NECTIN4: variants seen among roughly 807,000 people sequenced by gnomAD.
NECTIN4 encodes nectin-4.
A neutral mutation model predicts 51.7 loss-of-function variants in NECTIN4; 19 were observed. The ratio of observed to expected loss-of-function variants is 0.37; its 90% CI spans 0.26 to 0.54. NECTIN4 has a LOEUF of 0.54. Among genes scored for constraint, NECTIN4 ranks in the 20% least tolerant of loss-of-function variants. The pLI is 0.86. For missense variants in NECTIN4, 619 were observed against 662.4 expected, an observed-to-expected ratio of 0.93 and a Z score of 0.72; for synonymous variants, 283 against 286.9, an observed-to-expected ratio of 0.99 and a Z score of 0.14.
intron 1 of NECTIN4, among the ~76,000 whole-genome samples, chr1:161,082,596 C>T (rs894107949): frequency 1.3e-5 from 2 of 152,072 alleles, no homozygotes; most frequent in African/African-American, 4.8e-5. Flanking sequence ...GCCCTGCTAC[C>T]AGAAGGAGAG....
At chr1:161,075,626 G>C (rs1444257286) in intron 4 of NECTIN4, among the ~76,000 whole-genome samples, 1 of 152,016 alleles carries the variant, frequency 6.6e-6, no homozygotes, top group East Asian at 1.9e-4. Flanking sequence ...CAAAAAACTA[G>C]CTGGGCATGC....
Position 161,076,336 on chromosome 1 carries a change from C to G in NECTIN4, c.851+19G>C. On this transcript the variant is annotated intron_variant, in intron 4 of 8. Transcript: ENST00000368012. ...GAACCTAGTCTCAAGTTAGGCCTTC[C>G]TCAGGCTCGGGCCCTTACCGTGTCC... 1 of 1,613,986 alleles carries G rather than the reference C, an allele frequency of 6.2e-7. No individual in the cohort carries two copies. Among genetic ancestry groups the G allele is most frequent in the African/African-American group, 1.3e-5 (1 of 75,024 alleles).
chr1:161,086,981 G>A (rs543446082), intron 1 of NECTIN4: 3 of 152,346 alleles, frequency 2.0e-5, no homozygotes, highest in Non-Finnish European at 4.4e-5. Flanking sequence ...TCGTATTTCA[G>A]AGCTGGAAGG....
At chr1:161,080,106 G>A (rs1316962580) in intron 1 of NECTIN4, among the ~76,000 whole-genome samples, 157 bp from the exon 2 acceptor site, 1 of 152,286 alleles carries the variant, frequency 6.6e-6, no homozygotes, top group East Asian at 1.9e-4. Context: ...TCTACAAAAC[G>A]CCTTCCCAAG....
In NECTIN4 at chr1:161,072,492, G is replaced by T. The variant is rs1037440099; in HGVS notation, c.*169C>A. 1.5e-6 allele frequency: 1 copy of T among 672,934 alleles called. No homozygotes were observed. Among genetic ancestry groups the T allele is most frequent in the Non-Finnish European group, 2.7e-6 (1 of 371,042 alleles). The allele number at this position is 672,934 out of a possible 1,614,324, so 41.7% of individuals were successfully genotyped here. ...ATGCATGGTGGGAGAGACTCAATTG[G>T]TGGAGCCCTCCCGATGAACAGAAGG... On this transcript the variant is annotated 3_prime_UTR_variant, in exon 9 of 9. Coordinates refer to ENST00000368012, the MANE Select transcript of NECTIN4 (RefSeq NM_030916.3).
In NECTIN4 at chr1:161,072,304, C is replaced by A; in HGVS notation, c.*357G>T. Reference sequence around the variant, plus strand: ...ACCCTGACAGTGTTGCCCACGCAACCACTCAAATCCCGTGGCACATACACC... The same window carrying A: ...ACCCTGACAGTGTTGCCCACGCAACAACTCAAATCCCGTGGCACATACACC... On this transcript the variant is annotated 3_prime_UTR_variant, in exon 9 of 9. Transcript: ENST00000368012. The A allele has an allele frequency of 2.5e-5, 10 of 392,932 alleles. No homozygotes were observed. Among genetic ancestry groups the A allele is most frequent in the South Asian group, 2.2e-4 (10 of 45,324 alleles). 24.3% of individuals were successfully genotyped at this position (392,932 alleles called of 1,614,324 possible).
Position 161,076,484 on chromosome 1 carries a change from G to C in NECTIN4, c.731-9C>G. On this transcript the variant is annotated splice_polypyrimidine_tract_variant and intron_variant, in intron 3 of 8. Coordinates refer to ENST00000368012, the MANE Select transcript of NECTIN4 (RefSeq NM_030916.3). ...AGAGGCCTCAGCAAGGACTGGAATG[G>C]GAAGTGGGAGGAGAAAGAATGGGAA... is the stretch of plus-strand genomic sequence containing the variant. 3.1e-6 allele frequency: 5 copies of C among 1,613,916 alleles called. No individual in the cohort carries two copies. The highest frequency in any genetic ancestry group is 3.4e-6 in the Non-Finnish European group (4 of 1,180,004).
At chr1:161,081,792 A>T (rs1381390016) in intron 1 of NECTIN4, among the ~76,000 whole-genome samples, 2 of 151,996 alleles carry the variant, frequency 1.3e-5, no homozygotes, top group East Asian at 3.9e-4. Context: ...TTCCAGCAGG[A>T]GTCCTCCCTC....
rs142201196 is a variant in NECTIN4 at position 161,079,853 on chromosome 1, C to T, written c.176G>A (p.Gly59Asp). The change falls in exon 2 of 9, where the codon GGC (glycine) becomes GAC (aspartate). Residue 59 changes from glycine (G) to aspartate (D), a missense_variant. Coordinates refer to ENST00000368012, the MANE Select transcript of NECTIN4 (RefSeq NM_030916.3). Reference sequence around the variant, plus strand: ...CCATGCCACTTGCCCCACTTGCTCGCCGGAGTCCCCTCGGTAGAAGCAGGG... The same window carrying T: ...CCATGCCACTTGCCCCACTTGCTCGTCGGAGTCCCCTCGGTAGAAGCAGGG... ...KLPCFYRGDS[G>D]EQVGQVAWAR... 45 of 1,613,808 alleles carry T rather than the reference C, an allele frequency of 2.8e-5. No individual in the cohort carries two copies. In the African/African-American group the frequency reaches 5.2e-4, roughly 19 times the overall value.
In NECTIN4 at chr1:161,089,424, G is replaced by T; in HGVS notation, c.-128C>A. 1 of 842,942 alleles carries T rather than the reference G, an allele frequency of 1.2e-6. No homozygotes were observed. Among genetic ancestry groups the T allele is most frequent in the Admixed American group, 2.0e-5 (1 of 50,392 alleles). The allele number at this position is 842,942 out of a possible 1,614,324, so 52.2% of individuals were successfully genotyped here. A position where few individuals can be genotyped will look rare whatever the true frequency, so the allele number is the denominator to read the frequency against. On this transcript the variant is annotated 5_prime_UTR_variant, in exon 1 of 9. Coordinates refer to ENST00000368012, the MANE Select transcript of NECTIN4 (RefSeq NM_030916.3). This position sits in a 1 kb window ranked among gnomAD's most constrained non-coding sequence, Gnocchi z 4.1. ...GCAGAGTTCTTGCCTCTCGCACTTG[G>T]GTCTCCACTAGGGGACCCAGCCCCA...
At position 161,076,428 on chromosome 1, in the gene NECTIN4, G is replaced by A. The variant is rs145688995; in HGVS notation, c.778C>T (p.His260Tyr). The change falls in exon 4 of 9, where the codon CAC becomes TAC. Residue 260 changes from histidine (H) to tyrosine (Y), a missense_variant. By Grantham distance (83) the His-to-Tyr change is moderately conservative. Around this residue, in one of 3 missense-constraint regions of NECTIN4, gnomAD observed 364 missense variants for 415.7 expected, o/e 0.88. Coordinates refer to ENST00000368012, the MANE Select transcript of NECTIN4 (RefSeq NM_030916.3). ...VRGLEDQNLW[H>Y]IGREGAMLKC... Reference sequence around the variant, plus strand: ...AGCATAGCTCCTTCTCTGCCAATGTGCCACAGATTTTGGTCTTCAAGGCCC... The same window carrying A: ...AGCATAGCTCCTTCTCTGCCAATGTACCACAGATTTTGGTCTTCAAGGCCC... 43 of 1,613,986 alleles carry A rather than the reference G, an allele frequency of 2.7e-5. No homozygotes were observed. The highest frequency in any genetic ancestry group is 3.3e-5 in the Admixed American group (2 of 60,004).
At position 161,076,492 on chromosome 1, in the gene NECTIN4, G is replaced by C. The variant is rs1255537186; in HGVS notation, c.731-17C>G. ...CAGCAAGGACTGGAATGGGAAGTGGGAGGAGAAAGAATGGGAATGATGCCT... is the reference window on the plus strand; with the variant it reads ...CAGCAAGGACTGGAATGGGAAGTGGCAGGAGAAAGAATGGGAATGATGCCT... On this transcript the variant is annotated splice_polypyrimidine_tract_variant and intron_variant, in intron 3 of 8. Coordinates refer to ENST00000368012, the MANE Select transcript of NECTIN4 (RefSeq NM_030916.3). 1.2e-6 allele frequency: 2 copies of C among 1,613,798 alleles called. No individual in the cohort carries two copies. The highest frequency in any genetic ancestry group is 2.2e-5 in the South Asian group (2 of 91,080).
intron 1 of NECTIN4, among the ~76,000 whole-genome samples, chr1:161,080,312 A>G (rs1438813052): frequency 1.3e-5 from 2 of 152,194 alleles, no homozygotes; most frequent in East Asian, 3.9e-4. Context: ...GGGAGCTCAC[A>G]GTCATCAGGG....
Position 161,077,694 on chromosome 1 carries a change from C to T in NECTIN4, c.489G>A (p.Gln163=). ...TGCAGGAGGCTGCCAGGGTCAGGCC[C>T]TGGCCCTCTTCTAGTGCTGGACCAG... ...LNPGPALEEG[Q]GLTLAASCTA... The change falls in exon 3 of 9, where the codon CAG becomes CAA. Residue 163 remains glutamine (Q), a synonymous_variant. Coordinates refer to ENST00000368012, the MANE Select transcript of NECTIN4 (RefSeq NM_030916.3). The T allele has an allele frequency of 1.2e-6, 2 of 1,612,896 alleles. No homozygotes were observed. Among genetic ancestry groups the T allele is most frequent in the Non-Finnish European group, 1.7e-6 (2 of 1,180,014 alleles).
chr1:161,084,046 C>G (rs777511452), intron 1 of NECTIN4, among the ~76,000 whole-genome samples: 1 of 152,106 alleles, frequency 6.6e-6, no homozygotes, highest in Non-Finnish European at 1.5e-5. Context: ...TGTAGGGGAT[C>G]GTAGAGGTGG....
In NECTIN4 at chr1:161,072,700, G is replaced by T. The variant is rs768434779; in HGVS notation, c.1494C>A (p.Gly498=). The T allele has an allele frequency of 5.6e-6, 9 of 1,614,230 alleles. No homozygotes were observed. Among genetic ancestry groups the T allele is most frequent in the Non-Finnish European group, 7.6e-6 (9 of 1,180,036 alleles). Residue 498 remains glycine (G), a synonymous_variant, in exon 9 of 9, where the codon GGC becomes GGA. Transcript: ENST00000368012. ...CCCGCCCATTGATGTAGATGCCATT[G>T]CCCGTGGGCTTGGCCCGTAGGGTCC... The part of the protein sequence containing the change: ...ENGTLRAKPT[G]NGIYINGRGH...
Position 161,089,185 on chromosome 1 carries a change from A to G in NECTIN4, c.79+33T>C. On this transcript the variant is annotated intron_variant, in intron 1 of 8. Transcript: ENST00000368012. This position sits in a 1 kb window ranked among gnomAD's most constrained non-coding sequence, Gnocchi z 4.1. ...GTGTCAGTGCCAGGTTGGGCTCAGA[A>G]GCAAGTGTCCTGATGGTTCAGGCAA... The G allele has an allele frequency of 6.2e-7, 1 of 1,608,664 alleles. No homozygotes were observed. Among genetic ancestry groups the G allele is most frequent in the African/African-American group, 1.3e-5 (1 of 74,910 alleles).
chr1:161,074,685 T>C lies in NECTIN4; in HGVS notation c.926A>G (p.His309Arg). ...GACATGGCAGACGTAGATGCCGCTG[T>C]GCTCAGTGGTCAGTGGGGGAAAGCC... ...TLGFPPLTTE[H>R]SGIYVCHVSN... Residue 309 changes from histidine (H) to arginine (R), a missense_variant, in exon 5 of 9, where the codon CAC (histidine) becomes CGC (arginine). His to Arg is a conservative substitution (Grantham distance 29). Around this residue, in one of 3 missense-constraint regions of NECTIN4, gnomAD observed 364 missense variants for 415.7 expected, o/e 0.88. Transcript: ENST00000368012. 1 of 1,614,234 alleles carries C rather than the reference T, an allele frequency of 6.2e-7. No individual in the cohort carries two copies. Among genetic ancestry groups the C allele is most frequent in the Non-Finnish European group, 8.5e-7 (1 of 1,180,032 alleles).
intron 1 of NECTIN4, among the ~76,000 whole-genome samples, chr1:161,088,840 G>A (rs1439000855): frequency 6.6e-6 from 1 of 152,116 alleles, no homozygotes; most frequent in Admixed American, 6.5e-5. Context: ...AGCCCAGGGG[G>A]TAGGCCAAGG....
Sources: gnomAD v4.1 joint callset for allele counts (sites outside exome capture counted in the v4.1 genomes callset) on GRCh38, gnomAD v4.1.1 for gene constraint, gnomAD v4.1.1 regional missense constraint, Gnocchi (gnomAD v3.1) non-coding constraint, MANE v1.5 for transcripts, NCBI Gene and HGNC (gene_info 2026-07-23, HGNC 2026-07-21) for gene names.